SCARB2: variants seen among roughly 807,000 people sequenced by gnomAD.
The protein encoded by SCARB2 is lysosome membrane protein 2.
A neutral mutation model predicts 58.6 loss-of-function variants in SCARB2; 29 were observed. The observed-to-expected ratio is 0.49, with a 90% confidence interval of 0.37 to 0.67. The LOEUF (loss-of-function observed/expected upper bound fraction) is 0.67, where lower values mean the gene tolerates loss of function less well. Ranked by LOEUF, SCARB2 falls within the 30% of genes least tolerant of loss-of-function variation. SCARB2 has a pLI of 0.00. For synonymous variants in SCARB2, 195 were observed against 210.1 expected, an observed-to-expected ratio of 0.93 and a Z score of 0.62; for missense variants, 488 against 578.5, an observed-to-expected ratio of 0.84 and a Z score of 1.60.
At chr4:76,233,467 C>T (rs749489520) in intron 1 of SCARB2, among the ~76,000 whole-genome samples, 1 of 152,076 alleles carries the variant, frequency 6.6e-6, no homozygotes, top group Admixed American at 6.6e-5. Flanking sequence ...ATTAAAGTCG[C>T]GTGAACTGAA....
intron 8 of SCARB2, among the ~76,000 whole-genome samples, chr4:76,168,770 G>A (rs1732066467): frequency 6.6e-6 from 1 of 152,232 alleles, no homozygotes; most frequent in Admixed American, 6.5e-5. Context: ...CAAGCTCCCA[G>A]GATGCTGCCA....
chr4:76,215,308 T>A (rs141714704), upstream of SCARB2, among the ~76,000 whole-genome samples: 2 of 152,306 alleles, frequency 1.3e-5, no homozygotes, highest in African/African-American at 2.4e-5. Flanking sequence ...CCTAACAAGC[T>A]CAACTGGTTG....
intron 8 of SCARB2, among the ~76,000 whole-genome samples, chr4:76,168,883 G>C (rs774861046): frequency 6.6e-6 from 1 of 152,252 alleles, no homozygotes; most frequent in South Asian, 2.1e-4. Context: ...GCTAAGAAGA[G>C]GGTGGTGGTC....
chr4:76,166,827 A>G lies in SCARB2; in HGVS notation c.1188-526T>C, dbSNP rs148119848. 7.1e-4 allele frequency: 111 copies of G among 156,004 alleles called. 2 individuals carry two copies. Among genetic ancestry groups the G allele is most frequent in the African/African-American group, 2.5e-3 (104 of 41,610 alleles). The allele number at this position is 156,004 out of a possible 1,614,324, so 9.7% of individuals were successfully genotyped here. On this transcript the variant is annotated intron_variant, in intron 9 of 11. Coordinates refer to ENST00000264896, the MANE Select transcript of SCARB2 (RefSeq NM_005506.4). Reference sequence around the variant, plus strand: ...ACCACAAGTAAGTGATGGAGCCACAAATGTAATTCCACTTTGCTTCTAAGA... The same window carrying G: ...ACCACAAGTAAGTGATGGAGCCACAGATGTAATTCCACTTTGCTTCTAAGA...
At chr4:76,184,274 G>C (rs927813600) in intron 2 of SCARB2, among the ~76,000 whole-genome samples, 1 of 152,156 alleles carries the variant, frequency 6.6e-6, no homozygotes, top group African/African-American at 2.4e-5. Flanking sequence ...AGGTACCTAA[G>C]AAACGCCTGT....
At chr4:76,208,028 C>A (rs994238340) in intron 1 of SCARB2, among the ~76,000 whole-genome samples, 2 of 152,098 alleles carry the variant, frequency 1.3e-5, no homozygotes, top group African/African-American at 4.8e-5. Context: ...TGCATATTCC[C>A]AAAATTGCAG....
At chr4:76,197,190 G>A (rs916616736) in intron 1 of SCARB2, among the ~76,000 whole-genome samples, 35 of 152,136 alleles carry the variant, frequency 2.3e-4, no homozygotes, top group Admixed American at 2.2e-3. Flanking sequence ...GTATTCATTC[G>A]GGAAGCCCTA....
chr4:76,213,674 G>C lies in SCARB2; in HGVS notation c.-131C>G. ...CCACGCCCACGCCCTCCCGGCGCAC[G>C]GTTCGTGCGCGCAGCTCTGGGCTCC... On this transcript the variant is annotated 5_prime_UTR_variant, in exon 1 of 12. Coordinates refer to ENST00000264896, the MANE Select transcript of SCARB2 (RefSeq NM_005506.4). 1.4e-6 allele frequency: 1 copy of C among 704,582 alleles called. No homozygotes were observed. The highest frequency in any genetic ancestry group is 2.4e-6 in the Non-Finnish European group (1 of 418,932). 43.6% of individuals were successfully genotyped at this position (704,582 alleles called of 1,614,324 possible).
rs779928315 is a variant in SCARB2, at chr4:76,168,492, G to C, written c.1114-16C>G. 5.0e-6 allele frequency: 8 copies of C among 1,609,546 alleles called. No homozygotes were observed. Among genetic ancestry groups the C allele is most frequent in the Non-Finnish European group, 6.8e-6 (8 of 1,176,272 alleles). ...TTCCAGTCAACTGCAAATCAGAGAA[G>C]TGAAAAGGAAACATTAGGATTTATT... is the stretch of plus-strand genomic sequence containing the variant. On this transcript the variant is annotated splice_polypyrimidine_tract_variant and intron_variant, in intron 8 of 11. Coordinates refer to ENST00000264896, the MANE Select transcript of SCARB2 (RefSeq NM_005506.4).
In SCARB2 at chr4:76,163,348, C is replaced by T. The variant is rs1731938310; in HGVS notation, c.1275G>A (p.Leu425=). Residue 425 remains leucine, a synonymous_variant, in exon 11 of 12, where the codon CTG becomes CTA. Transcript: ENST00000264896. The part of the protein sequence containing the change: ...VHIDKETASR[L]KSMINTTLII... Reference sequence around the variant, plus strand: ...TCAAAGTAGTGTTAATCATAGACTTCAGTCGACTCGCCGTCTCTTTATCAA... The same window carrying T: ...TCAAAGTAGTGTTAATCATAGACTTTAGTCGACTCGCCGTCTCTTTATCAA... 1.2e-6 allele frequency: 2 copies of T among 1,614,080 alleles called. No individual in the cohort carries two copies. Among genetic ancestry groups the T allele is most frequent in the African/African-American group, 2.7e-5 (2 of 74,930 alleles).
chr4:76,227,874 C>G (rs963821651), intron 1 of SCARB2, among the ~76,000 whole-genome samples: 2 of 152,098 alleles, frequency 1.3e-5, no homozygotes, highest in African/African-American at 4.8e-5. Context: ...TGTTCATTTG[C>G]CTAGAATATC....
intron 1 of SCARB2, among the ~76,000 whole-genome samples, chr4:76,231,891 A>G (rs919409511): frequency 6.6e-6 from 1 of 152,202 alleles, no homozygotes; most frequent in Non-Finnish European, 1.5e-5. Context: ...CTGGGATTTT[A>G]TTGGCGCTGC....
At chr4:76,207,970 C>T (rs1421483990) in intron 1 of SCARB2, among the ~76,000 whole-genome samples, 2 of 152,204 alleles carry the variant, frequency 1.3e-5, no homozygotes, top group Non-Finnish European at 2.9e-5. Context: ...GGAATGAAGA[C>T]ATGGTCTAAA....
chr4:76,198,382 TCCAGAAAGAAGGGGTTA>T (rs1732757649), intron 1 of SCARB2, among the ~76,000 whole-genome samples: 1 of 152,242 alleles, frequency 6.6e-6, no homozygotes, highest in Non-Finnish European at 1.5e-5. Flanking sequence ...TGGAAGGGTT[TCCAGAAAGAAGGGGTTA>T]CCAGAAAGAA....
chr4:76,162,416 T>TA (rs34006353), intron 11 of SCARB2: 16,238 of 152,190 alleles, frequency 0.11, 1,065 homozygotes, highest in East Asian at 0.21. Flanking sequence ...GCCACTGTTG[T>TA]AAAAAAAAGG....
Position 76,196,094 on chromosome 4 carries a change from G to A in SCARB2, c.118-230C>T, listed in dbSNP as rs575671341. ...TTCGATAAATATTTGTAAAGGGGCC[G>A]GGCCCAGTGGCCCAACACTCTGGGA... On this transcript the variant is annotated intron_variant, in intron 1 of 11. Coordinates refer to ENST00000264896, the MANE Select transcript of SCARB2 (RefSeq NM_005506.4). Among the ~76,000 whole-genome samples, 441 of 152,264 alleles carry A rather than the reference G, an allele frequency of 2.9e-3. 2 individuals are homozygous for A. The highest frequency in any genetic ancestry group is 0.01 in the African/African-American group (420 of 41,548).
intron 4 of SCARB2, among the ~76,000 whole-genome samples, chr4:76,178,591 C>A (rs1470191): frequency 0.11 from 16,486 of 152,022 alleles, 1,119 homozygotes; most frequent in East Asian, 0.21. Context: ...GAGGTTCAGT[C>A]AGGGCTTGAC....
intron 1 of SCARB2, among the ~76,000 whole-genome samples, chr4:76,206,811 G>A (rs1045821676): frequency 6.6e-6 from 1 of 151,854 alleles, no homozygotes; most frequent in Non-Finnish European, 1.5e-5. Context: ...TGTCTACTTT[G>A]ATCAGCACTC....
intron 1 of SCARB2, among the ~76,000 whole-genome samples, chr4:76,208,405 G>A (rs1452856540): frequency 6.6e-6 from 1 of 152,192 alleles, no homozygotes; most frequent in East Asian, 1.9e-4. Context: ...CACTGCCTCC[G>A]TTTACAGTGC....
Sources: gnomAD v4.1 joint callset for allele counts (sites outside exome capture counted in the v4.1 genomes callset) on GRCh38, gnomAD v4.1.1 for gene constraint, MANE v1.5 for transcripts, NCBI Gene and HGNC (gene_info 2026-07-23, HGNC 2026-07-21) for gene names.